The following DHX36 variants were observed in gnomAD, a reference collection of about 807,000 sequenced individuals.
The protein encoded by DHX36 is DEAH-box helicase 36.
DHX36 carries 50 observed loss-of-function variants against 139.0 expected under a neutral mutation model. The observed-to-expected ratio is 0.36, with a 90% CI of 0.29 to 0.46. DHX36 has a LOEUF of 0.46. DHX36 is among the 20% of genes least tolerant of loss of function. DHX36 has a pLI of 1.00. For synonymous variants in DHX36, 425 were observed against 401.9 expected (o/e 1.06, Z -0.69); for missense variants, 1,024 against 1,211.3 (o/e 0.85, Z 2.29).
At chr3:154,312,833 A>C (rs1235855623) in intron 3 of DHX36, among the ~76,000 whole-genome samples, 35 of 133,208 alleles carry the variant, frequency 2.6e-4, no homozygotes, top group Middle Eastern at 4.0e-3. Flanking sequence ...ATCTCAAAAA[A>C]AAAAAAGGAA....
chr3:154,317,899 CA>C (rs1713045627), intron 1 of DHX36, among the ~76,000 whole-genome samples: 1 of 151,934 alleles, frequency 6.6e-6, no homozygotes, highest in Non-Finnish European at 1.5e-5. Context: ...AGTAATTTCA[CA>C]AAATACTTCC....
intron 6 of DHX36, 134 bp downstream of exon 6, chr3:154,306,082 G>T: frequency 1.6e-6 from 1 of 621,252 alleles, no homozygotes. Context: ...AGTCATCTAC[G>T]CTGCAGTTAC....
chr3:154,319,761 T>C (rs555441540), intron 1 of DHX36, among the ~76,000 whole-genome samples: 2 of 152,164 alleles, frequency 1.3e-5, no homozygotes, highest in South Asian at 4.2e-4. Context: ...GATTTGGGGG[T>C]TGGTTATTAC....
At chr3:154,295,609 G>A (rs1325479215) in intron 12 of DHX36, among the ~76,000 whole-genome samples, 1 of 152,134 alleles carries the variant, frequency 6.6e-6, no homozygotes, top group Non-Finnish European at 1.5e-5. Flanking sequence ...CCAAGTTCAA[G>A]CTAACATTTT....
At chr3:154,278,244 T>C (rs1341587263) in intron 22 of DHX36, among the ~76,000 whole-genome samples, 3 of 152,088 alleles carry the variant, frequency 2.0e-5, no homozygotes, top group African/African-American at 7.2e-5. Flanking sequence ...AAGAATTCTG[T>C]TTAAATTCAT....
chr3:154,298,110 T>C (rs1712114084), intron 12 of DHX36, among the ~76,000 whole-genome samples: 1 of 152,172 alleles, frequency 6.6e-6, no homozygotes, highest in Non-Finnish European at 1.5e-5. Flanking sequence ...GTAGTGGAAG[T>C]GTATACATTA....
At chr3:154,289,024 C>T (rs1711673791) in intron 16 of DHX36, 60 bp from the exon 17 acceptor site, 2 of 837,616 alleles carry the variant, frequency 2.4e-6, no homozygotes, top group Admixed American at 2.9e-5. Context: ...AGCATTACAA[C>T]TTAGTCCTAC....
intron 15 of DHX36, 79 bp downstream of exon 15, chr3:154,292,472 T>C: frequency 6.4e-7 from 1 of 1,552,714 alleles, no homozygotes; most frequent in Non-Finnish European, 8.8e-7. Context: ...TTAATAAATA[T>C]CTTTAAATGC....
At chr3:154,285,594 T>C (rs938036094) in intron 17 of DHX36, among the ~76,000 whole-genome samples, 3 of 152,122 alleles carry the variant, frequency 2.0e-5, no homozygotes, top group African/African-American at 7.2e-5. Flanking sequence ...CCTCTTTTCC[T>C]GGCAGAAAGG....
At chr3:154,303,475 T>C in intron 8 of DHX36, 65 bp from the exon 9 acceptor site, 1 of 1,169,088 alleles carries the variant, frequency 8.6e-7, no homozygotes. Context: ...TAATATACTG[T>C]AAATAGGACA....
rs200020002 is a variant in DHX36 at position 154,284,568 on chromosome 3, ATTTTT to A, written c.2292+10_2292+14del. 12 of 1,326,210 alleles carry A rather than the reference ATTTTT, an allele frequency of 9.0e-6. No individual in the cohort carries two copies. In the African/African-American group the frequency reaches 1.5e-4, roughly 17 times the overall value. The allele number at this position is 1,326,210 out of a possible 1,614,324, so 82.2% of individuals were successfully genotyped here. ...ATAAACTATCATAATCCAGGACAAA[ATTTTT>A]TTTTTTTACCTCAAACGCATTCACA... On this transcript the variant is annotated intron_variant, in intron 19 of 24. Transcript: ENST00000496811.
intron 22 of DHX36, among the ~76,000 whole-genome samples, chr3:154,278,144 T>C (rs1319201834): frequency 6.6e-6 from 1 of 152,134 alleles, no homozygotes; most frequent in Non-Finnish European, 1.5e-5. Flanking sequence ...ATAATACTGA[T>C]AAACAGCCCT....
At chr3:154,310,860 C>CATAT (rs1451876705) in intron 4 of DHX36, among the ~76,000 whole-genome samples, 3 of 93,168 alleles carry the variant, frequency 3.2e-5, no homozygotes, top group African/African-American at 1.2e-4. Flanking sequence ...TATGTATATA[C>CATAT]ATATATATAT....
chr3:154,316,232 G>A, intron 1 of DHX36, 69 bp from the exon 2 acceptor site: 2 of 1,586,690 alleles, frequency 1.3e-6, no homozygotes, highest in African/African-American at 1.4e-5. Flanking sequence ...ATTTGATACT[G>A]AAGAAAATAA....
Position 154,276,915 on chromosome 3 carries a change from A to T in DHX36, c.2689-16T>A, listed in dbSNP as rs201901768. 1.1e-4 allele frequency: 174 copies of T among 1,601,088 alleles called. 1 individual carries two copies. In the African/African-American group the frequency reaches 2.0e-3, roughly 18 times the overall value. On this transcript the variant is annotated splice_polypyrimidine_tract_variant and intron_variant, in intron 23 of 24. Coordinates refer to ENST00000496811, the MANE Select transcript of DHX36 (RefSeq NM_020865.3). The stretch of plus-strand genomic sequence containing the variant: ...ACAAGTATATCTGTAATGAAAATTA[A>T]AGTGAATTAATACATTCAGGAGTCT...
intron 8 of DHX36, 27 bp downstream of exon 8, chr3:154,304,779 A>G (rs1216128928): frequency 1.4e-6 from 2 of 1,469,742 alleles, no homozygotes; most frequent in African/African-American, 1.4e-5. Context: ...TACCTTTTCT[A>G]ATGTAATAAC....
chr3:154,289,186 G>T (rs1367535517), intron 16 of DHX36, among the ~76,000 whole-genome samples: 1 of 152,102 alleles, frequency 6.6e-6, no homozygotes, highest in East Asian at 1.9e-4. Context: ...AATAGGAAAA[G>T]TAGCTGGCTA....
chr3:154,292,799 G>A, intron 14 of DHX36, 105 bp from the exon 15 acceptor site: 2 of 1,455,742 alleles, frequency 1.4e-6, no homozygotes, highest in East Asian at 2.4e-5. Context: ...CCAATAAATA[G>A]GTATTTCAGA....
chr3:154,307,797 C>CAAA (rs34088732), intron 5 of DHX36, among the ~76,000 whole-genome samples: 27,938 of 140,024 alleles, frequency 0.2, 3,462 homozygotes, highest in East Asian at 0.39. Context: ...ATCAATGTGT[C>CAAA]AAAAAAAAAA....
Sources: allele counts gnomAD v4.1 joint callset (sites outside exome capture counted in the v4.1 genomes callset), GRCh38; gene constraint gnomAD v4.1.1; transcripts MANE v1.5; gene names NCBI Gene and HGNC (gene_info 2026-07-23, HGNC 2026-07-21).